The following TMEM132C variants were observed in gnomAD, a reference collection of about 807,000 sequenced individuals.
TMEM132C encodes the protein protein phosphatase 1, regulatory subunit 152.
In TMEM132C, 29 loss-of-function variants were observed where a neutral mutation model predicts 61.4. That is an observed-to-expected ratio of 0.47 (90% CI 0.35 to 0.64). The LOEUF is 0.64. Ranked by LOEUF, TMEM132C falls within the 30% of genes least tolerant of loss-of-function variation. TMEM132C has a pLI of 0.00. For missense variants in TMEM132C, 1,408 were observed against 1,476.9 expected (o/e 0.95, Z 0.76); for synonymous variants, 656 against 633.1 (o/e 1.04, Z -0.54).
chr12:128,310,122 A>G (rs1217633234), intron 1 of TMEM132C, among the ~76,000 whole-genome samples: 1 of 152,250 alleles, frequency 6.6e-6, no homozygotes, highest in Non-Finnish European at 1.5e-5. Flanking sequence ...TGACTAATCA[A>G]GAGGTTGATT....
intron 4 of TMEM132C, among the ~76,000 whole-genome samples, chr12:128,627,318 T>G (rs143974583): frequency 1.8e-3 from 270 of 152,334 alleles, no homozygotes; most frequent in African/African-American, 6.3e-3. Flanking sequence ...TGTTGGCTCC[T>G]TGACAGCTGG....
chr12:128,360,836 C>T (rs1873688436), intron 1 of TMEM132C, among the ~76,000 whole-genome samples: 1 of 152,206 alleles, frequency 6.6e-6, no homozygotes, highest in South Asian at 2.1e-4. Context: ...TCCAGGTGCC[C>T]TCTAGCCTAG....
intron 3 of TMEM132C, among the ~76,000 whole-genome samples, chr12:128,578,405 T>C (rs557695622): frequency 6.6e-6 from 1 of 152,264 alleles, no homozygotes; most frequent in Non-Finnish European, 1.5e-5. Flanking sequence ...GGGTACCCAC[T>C]CCCAGCTTTG....
intron 3 of TMEM132C, among the ~76,000 whole-genome samples, chr12:128,591,335 C>G (rs1432002873): frequency 6.6e-6 from 1 of 152,100 alleles, no homozygotes; most frequent in Non-Finnish European, 1.5e-5. Flanking sequence ...TTTGCCTGTT[C>G]TGGGCGTTTC....
intron 2 of TMEM132C, among the ~76,000 whole-genome samples, chr12:128,504,151 T>A (rs558858321): frequency 4.5e-4 from 69 of 152,290 alleles, no homozygotes; most frequent in African/African-American, 1.4e-3. Context: ...AGCCCCAAGC[T>A]GTTCATGTGA....
intron 5 of TMEM132C, among the ~76,000 whole-genome samples, chr12:128,687,182 AC>A (rs1357569634): frequency 7.1e-6 from 1 of 141,664 alleles, no homozygotes; most frequent in Non-Finnish European, 1.5e-5. Context: ...AGCCTGGGTG[AC>A]AGAGCAAGAC....
rs150539452 is a variant in TMEM132C at position 128,506,885 on chromosome 12, G to A, written c.975-37072G>A. Among the ~76,000 whole-genome samples the A allele has an allele frequency of 3.1e-3, 479 of 152,248 alleles. 4 individuals are homozygous for A. The highest frequency in any genetic ancestry group is 0.011 in the African/African-American group (452 of 41,546). Reference sequence around the variant, plus strand: ...AGTGAGTGCTGGACGGTGTGACCACGACCTCAGACTCAATTCTGAAACTTT... The same window carrying A: ...AGTGAGTGCTGGACGGTGTGACCACAACCTCAGACTCAATTCTGAAACTTT... On this transcript the variant is annotated intron_variant, in intron 2 of 8. Transcript: ENST00000435159.
intron 1 of TMEM132C, among the ~76,000 whole-genome samples, chr12:128,296,422 G>A (rs1871417573): frequency 6.6e-6 from 1 of 152,154 alleles, no homozygotes; most frequent in Non-Finnish European, 1.5e-5. Context: ...AAGACTGGTT[G>A]TTCTCATGGT....
At chr12:128,494,831 T>G (rs915802873) in intron 2 of TMEM132C, among the ~76,000 whole-genome samples, 1 of 152,032 alleles carries the variant, frequency 6.6e-6, no homozygotes, top group African/African-American at 2.4e-5. Context: ...GGGTTTTTTG[T>G]GTCTCTATCT....
intron 1 of TMEM132C, among the ~76,000 whole-genome samples, chr12:128,287,529 C>G (rs1251494046): frequency 4.9e-5 from 7 of 143,468 alleles, no homozygotes; most frequent in Admixed American, 2.1e-4. Flanking sequence ...CTATATCTAT[C>G]TGTGTGTGTG....
chr12:128,295,996 A>G (rs11059633), intron 1 of TMEM132C, among the ~76,000 whole-genome samples: 59,384 of 152,134 alleles, frequency 0.39, 12,169 homozygotes, highest in Non-Finnish European at 0.45. Context: ...ATGAGTGAAC[A>G]TTGGTTTTCT....
At chr12:128,544,928 G>A (rs1873895204) in intron 3 of TMEM132C, among the ~76,000 whole-genome samples, 1 of 152,112 alleles carries the variant, frequency 6.6e-6, no homozygotes, top group Non-Finnish European at 1.5e-5. Context: ...AACCAACCAT[G>A]CCTGTATTTT....
At chr12:128,347,430 TC>T in intron 1 of TMEM132C, among the ~76,000 whole-genome samples, 2 of 150,472 alleles carry the variant, frequency 1.3e-5, no homozygotes, top group African/African-American at 5.0e-5. Context: ...TCTCTCTCTC[TC>T]TCTCTCTCCT....
intron 2 of TMEM132C, among the ~76,000 whole-genome samples, chr12:128,425,519 T>C (rs1457063668): frequency 1.3e-5 from 2 of 152,344 alleles, no homozygotes; most frequent in East Asian, 3.9e-4. Context: ...GTTTAAATCA[T>C]GCCTCAAAGC....
intron 1 of TMEM132C, among the ~76,000 whole-genome samples, chr12:128,297,452 A>G (rs1040999518): frequency 9.9e-5 from 15 of 152,208 alleles, no homozygotes; most frequent in African/African-American, 3.6e-4. Context: ...GGGTGCTATC[A>G]TGGCTCCGGG....
chr12:128,491,474 C>T (rs1446637331), intron 2 of TMEM132C, among the ~76,000 whole-genome samples: 1 of 152,164 alleles, frequency 6.6e-6, no homozygotes, highest in Non-Finnish European at 1.5e-5. Context: ...GAGATTAGTC[C>T]CTGCACTATT....
intron 4 of TMEM132C, among the ~76,000 whole-genome samples, chr12:128,624,256 T>C (rs1953993198): frequency 6.6e-6 from 1 of 151,824 alleles, no homozygotes; most frequent in Non-Finnish European, 1.5e-5. Flanking sequence ...ATCTGTAAAA[T>C]AGGAATAGGC....
At chr12:128,475,186 A>G (rs1461067935) in intron 2 of TMEM132C, among the ~76,000 whole-genome samples, 2 of 152,184 alleles carry the variant, frequency 1.3e-5, no homozygotes, top group East Asian at 3.8e-4. Context: ...TACAGCCAGA[A>G]GGTAAGACCC....
chr12:128,523,462 A>G (rs1872975778), intron 2 of TMEM132C, among the ~76,000 whole-genome samples: 2 of 152,164 alleles, frequency 1.3e-5, no homozygotes, highest in Non-Finnish European at 2.9e-5. Context: ...AAAGAAAACT[A>G]ATTTTCTCTT....
Sources: gnomAD v4.1 joint callset for allele counts (sites outside exome capture counted in the v4.1 genomes callset) on GRCh38, gnomAD v4.1.1 for gene constraint, MANE v1.5 for transcripts, NCBI Gene and HGNC (gene_info 2026-07-23, HGNC 2026-07-21) for gene names.